PSME4: variants seen among roughly 807,000 people sequenced by gnomAD.
PSME4 encodes the protein proteasome activator complex subunit 4.
PSME4 carries 89 observed loss-of-function variants against 253.9 expected under a neutral mutation model. The observed-to-expected ratio is 0.35, with a 90% CI of 0.30 to 0.42. The LOEUF (loss-of-function observed/expected upper bound fraction) is 0.42, where lower values mean the gene tolerates loss of function less well. PSME4 is among the 10% of genes least tolerant of loss of function. The pLI is 1.00. For synonymous variants in PSME4, 851 were observed against 759.2 expected (o/e 1.12, Z -1.99); for missense variants, 2,014 against 2,195.2 (o/e 0.92, Z 1.65).
chr2:53,888,773 G>T lies in PSME4; in HGVS notation c.4336C>A (p.Leu1446Met). Reference sequence around the variant, plus strand: ...CCACTCAATGGTGATTCCAACAGCAGTTCAAAAAGCCAGTGAAGTTTCCGG... The same window carrying T: ...CCACTCAATGGTGATTCCAACAGCATTTCAAAAAGCCAGTGAAGTTTCCGG... ...DPRKLHWLFE[L>M]LLESPLSGEG... Residue 1446 changes from leucine (L) to methionine (M), a missense_variant, in exon 38 of 47, where the codon CTG becomes ATG. Leu to Met is a conservative substitution (Grantham distance 15). Around this residue, in one of 4 missense-constraint regions of PSME4, gnomAD observed 403 missense variants for 556.1 expected, o/e 0.72. Coordinates refer to ENST00000404125, the MANE Select transcript of PSME4 (RefSeq NM_014614.3). 1 of 1,613,212 alleles carries T rather than the reference G, an allele frequency of 6.2e-7. No individual in the cohort carries two copies. The highest frequency in any genetic ancestry group is 1.7e-5 in the Admixed American group (1 of 60,008).
At chr2:53,960,712 A>C (rs1670452909) in intron 1 of PSME4, among the ~76,000 whole-genome samples, 1 of 152,248 alleles carries the variant, frequency 6.6e-6, no homozygotes, top group Non-Finnish European at 1.5e-5. Context: ...TGATAAACGT[A>C]CATGAAAGAT....
At chr2:53,958,430 C>T (rs553055098) in intron 1 of PSME4, among the ~76,000 whole-genome samples, 13 of 151,996 alleles carry the variant, frequency 8.6e-5, no homozygotes, top group Admixed American at 7.2e-4. Context: ...TTATTTTTAA[C>T]ACATAGACAT....
At chr2:53,924,216 A>G (rs1039651414) in intron 14 of PSME4, among the ~76,000 whole-genome samples, 1 of 152,228 alleles carries the variant, frequency 6.6e-6, no homozygotes, top group Non-Finnish European at 1.5e-5. Context: ...CTGGGTTAAC[A>G]ATACTGAAAA....
At chr2:53,966,454 G>A (rs1670740119) in intron 1 of PSME4, among the ~76,000 whole-genome samples, 1 of 151,976 alleles carries the variant, frequency 6.6e-6, no homozygotes, top group South Asian at 2.1e-4. Flanking sequence ...TTGAGATCAA[G>A]AGTTTGAGAC....
chr2:53,895,112 G>A (rs1441424739), intron 33 of PSME4, 36 bp from the exon 34 acceptor site: 1 of 1,547,404 alleles, frequency 6.5e-7, no homozygotes, highest in South Asian at 1.2e-5. Context: ...CATACGCATA[G>A]AAAAAAATAT....
rs970050025 is a variant in PSME4, at chr2:53,927,766, G to T, written c.1504-283C>A. Among the ~76,000 whole-genome samples the T allele has an allele frequency of 4.6e-5, 7 of 152,198 alleles. No individual in the cohort carries two copies. The South Asian group carries it at 1.2e-3, about 27-fold the overall frequency. On this transcript the variant is annotated intron_variant, in intron 11 of 46. Transcript: ENST00000404125. The stretch of plus-strand genomic sequence containing the variant: ...GTTCGAGACCAGCCTGGCCAACATG[G>T]TGAAACCCTGTCTCTACTAAAAATA...
intron 41 of PSME4, chr2:53,881,534 C>A (rs184472578): frequency 6.6e-6 from 1 of 152,240 alleles, no homozygotes; most frequent in African/African-American, 2.4e-5. Flanking sequence ...TAAACTCACA[C>A]TCTTTATATA....
At chr2:53,894,709 A>T (rs1680063279) in intron 34 of PSME4, among the ~76,000 whole-genome samples, 1 of 152,174 alleles carries the variant, frequency 6.6e-6, no homozygotes, top group Admixed American at 6.5e-5. Flanking sequence ...TTCCTTCAAA[A>T]CGCTTGTATC....
At chr2:53,952,718 C>G (rs1215941618) in intron 1 of PSME4, among the ~76,000 whole-genome samples, 1 of 152,226 alleles carries the variant, frequency 6.6e-6, no homozygotes, top group Non-Finnish European at 1.5e-5. Context: ...ATCCCTTGCA[C>G]GGGCAGTTCA....
rs1680687738 is a variant in PSME4 at position 53,906,955 on chromosome 2, CA to C, written c.2785-88del. 6.7e-6 allele frequency: 8 copies of C among 1,189,278 alleles called. No homozygotes were observed. In the Admixed American group the frequency reaches 9.7e-5, roughly 14 times the overall value. 73.7% of individuals were successfully genotyped at this position (1,189,278 alleles called of 1,614,324 possible). On this transcript the variant is annotated intron_variant, in intron 24 of 46. Transcript: ENST00000404125. ...GCCTCTAAATACCTTAATAAGTGGT[CA>C]AAAAGGTCCCTGGTTGACTGGTGAG...
chr2:53,936,648 C>T (rs1669130468), intron 6 of PSME4, 116 bp downstream of exon 6: 2 of 693,536 alleles, frequency 2.9e-6, no homozygotes, highest in Non-Finnish European at 2.3e-6. Context: ...TCCTAAGGAA[C>T]TTCAAGTTAC....
intron 12 of PSME4, 37 bp from the exon 13 acceptor site, chr2:53,926,060 C>G (rs1448153502): frequency 6.4e-7 from 1 of 1,552,150 alleles, no homozygotes; most frequent in Non-Finnish European, 8.9e-7. Flanking sequence ...TTACATATAG[C>G]CTTTGTTTTT....
At position 53,937,687 on chromosome 2, in the gene PSME4, C is replaced by G. The variant is rs983916480; in HGVS notation, c.546-147G>C. On this transcript the variant is annotated intron_variant, in intron 4 of 46. Transcript: ENST00000404125. Reference sequence around the variant, plus strand: ...GTCTACAAATGTCCAAACTAACACACATTTTCACAATACTAAAATAAATGC... The same window carrying G: ...GTCTACAAATGTCCAAACTAACACAGATTTTCACAATACTAAAATAAATGC... 4.2e-6 allele frequency: 3 copies of G among 719,208 alleles called. No homozygotes were observed. The African/African-American group carries it at 5.6e-5, about 13-fold the overall frequency. The allele number at this position is 719,208 out of a possible 1,614,324, so 44.6% of individuals were successfully genotyped here. A position where few individuals can be genotyped will look rare whatever the true frequency, so the allele number is the denominator to read the frequency against.
chr2:53,957,657 A>G (rs1670295735), intron 1 of PSME4, among the ~76,000 whole-genome samples: 1 of 152,186 alleles, frequency 6.6e-6, no homozygotes, highest in Admixed American at 6.5e-5. Flanking sequence ...TGGGAGATGG[A>G]GACCCCTACT....
intron 21 of PSME4, among the ~76,000 whole-genome samples, chr2:53,909,291 C>T (rs573069086): frequency 7.9e-5 from 12 of 151,742 alleles, no homozygotes; most frequent in African/African-American, 2.9e-4. Context: ...GTTAATCCAG[C>T]GATGAGAAAG....
intron 1 of PSME4, among the ~76,000 whole-genome samples, chr2:53,956,639 C>G (rs1014561908): frequency 2.6e-5 from 4 of 151,908 alleles, no homozygotes; most frequent in African/African-American, 9.7e-5. Flanking sequence ...GTGGCCCAAT[C>G]TCAGCTCACT....
chr2:53,874,209 C>T, intron 43 of PSME4, 130 bp downstream of exon 43: 1 of 901,886 alleles, frequency 1.1e-6, no homozygotes, highest in East Asian at 2.6e-5. Flanking sequence ...ATCTCACTGA[C>T]TTCGTCTCTC....
At chr2:53,933,689 C>T (rs1233467620) in intron 8 of PSME4, among the ~76,000 whole-genome samples, 1 of 152,200 alleles carries the variant, frequency 6.6e-6, no homozygotes, top group Admixed American at 6.5e-5. Context: ...GCCATATTTT[C>T]ACACTTAACA....
At chr2:53,937,640 A>G (rs922005396) in intron 4 of PSME4, 100 bp from the exon 5 acceptor site, 45 of 1,084,860 alleles carry the variant, frequency 4.1e-5, no homozygotes, top group Middle Eastern at 2.5e-4. Flanking sequence ...GGAGGAGAAT[A>G]TATGTCATAG....
Sources: gnomAD v4.1 joint callset for allele counts (sites outside exome capture counted in the v4.1 genomes callset) on GRCh38, gnomAD v4.1.1 for gene constraint, gnomAD v4.1.1 regional missense constraint, MANE v1.5 for transcripts, NCBI Gene and HGNC (gene_info 2026-07-23, HGNC 2026-07-21) for gene names.